The following SUGCT variants were observed in gnomAD, a reference collection of about 807,000 sequenced individuals.
The protein encoded by SUGCT is succinyl-CoA:glutarate CoA-transferase.
In SUGCT, 41 loss-of-function variants were observed where a neutral mutation model predicts 55.0. The ratio of observed to expected loss-of-function variants is 0.74; its 90% CI spans 0.58 to 0.97. The LOEUF (loss-of-function observed/expected upper bound fraction) is 0.97. Among genes scored for constraint, SUGCT ranks in the 50% least tolerant of loss-of-function variants. The pLI, the probability that SUGCT is intolerant of heterozygous loss-of-function variation, is 0.00. For synonymous variants in SUGCT, 187 were observed against 200.4 expected (o/e 0.93, Z 0.56); for missense variants, 568 against 547.8 (o/e 1.04, Z -0.37).
chr7:40,517,367 G>A (rs1793300282), intron 12 of SUGCT, among the ~76,000 whole-genome samples: 1 of 151,496 alleles, frequency 6.6e-6, no homozygotes, highest in African/African-American at 2.4e-5. Flanking sequence ...TCCCTGGATA[G>A]GACCTCCAGT....
At chr7:40,507,373 A>T (rs757520463) in intron 12 of SUGCT, among the ~76,000 whole-genome samples, 1 of 151,966 alleles carries the variant, frequency 6.6e-6, no homozygotes, top group Non-Finnish European at 1.5e-5. Flanking sequence ...GTCACTCTTC[A>T]TATGTTATAA....
At chr7:40,197,528 G>T (rs920885167) in intron 6 of SUGCT, among the ~76,000 whole-genome samples, 2 of 152,160 alleles carry the variant, frequency 1.3e-5, no homozygotes, top group African/African-American at 2.4e-5. Flanking sequence ...TTGGGGGACT[G>T]GTATGCTCTG....
chr7:40,765,593 G>C (rs2080745134), intron 13 of SUGCT, among the ~76,000 whole-genome samples: 1 of 152,184 alleles, frequency 6.6e-6, no homozygotes, highest in African/African-American at 2.4e-5. Context: ...AGAAAAATGA[G>C]CTATTTAGAA....
At chr7:40,973,810 T>A in the SUGCT span, among the ~76,000 whole-genome samples, 1 of 152,354 alleles carries the variant, frequency 6.6e-6, no homozygotes, top group Non-Finnish European at 1.5e-5. Flanking sequence ...TGTATTTTAT[T>A]TATATATGTG....
chr7:40,858,420 A>G (rs1002049864), intron 13 of SUGCT, among the ~76,000 whole-genome samples: 3 of 151,228 alleles, frequency 2.0e-5, no homozygotes, highest in Non-Finnish European at 3.0e-5. Flanking sequence ...AAAAAAAAAA[A>G]AAAAAAAAAG....
At chr7:41,036,202 G>A in the SUGCT span, among the ~76,000 whole-genome samples, 7 of 152,288 alleles carry the variant, frequency 4.6e-5, no homozygotes, top group South Asian at 8.3e-4. Flanking sequence ...GCGAGTGCAT[G>A]GGCGAATGAC....
At chr7:40,293,902 C>G (rs945920437) in intron 8 of SUGCT, among the ~76,000 whole-genome samples, 5 of 152,056 alleles carry the variant, frequency 3.3e-5, no homozygotes, top group Non-Finnish European at 7.4e-5. Flanking sequence ...CTACAGGCTA[C>G]CTCAGGACAG....
At chr7:40,522,300 C>T (rs1793574814) in intron 12 of SUGCT, among the ~76,000 whole-genome samples, 1 of 152,102 alleles carries the variant, frequency 6.6e-6, no homozygotes, top group South Asian at 2.1e-4. Context: ...AACTGGGCAA[C>T]CCGTCCTCCT....
chr7:40,755,330 TA>T (rs1788200966), intron 13 of SUGCT, among the ~76,000 whole-genome samples: 1 of 152,236 alleles, frequency 6.6e-6, no homozygotes. Flanking sequence ...TACAGTGTCC[TA>T]AATTTTAAAC....
rs1784070336 is a variant in SUGCT, at chr7:40,367,689, T to C, written c.816+50834T>C. 2.0e-5 allele frequency among the ~76,000 whole-genome samples: 3 copies of C among 152,188 alleles called. No homozygotes were observed. The South Asian group carries it at 6.2e-4, about 32-fold the overall frequency. ...ACTAAGGCAAACACATCTGTCCTCA[T>C]CTATCAAATCTCTCTTCTTATTTCC... On this transcript the variant is annotated intron_variant, in intron 9 of 13. Coordinates refer to ENST00000335693, the MANE Select transcript of SUGCT (RefSeq NM_001193313.2).
At chr7:40,505,256 G>A (rs956676545) in intron 12 of SUGCT, among the ~76,000 whole-genome samples, 1 of 151,916 alleles carries the variant, frequency 6.6e-6, no homozygotes, top group African/African-American at 2.4e-5. Context: ...TCTAAAGTAT[G>A]TCTCATGTAG....
At chr7:40,287,292 G>A (rs1468372309) in intron 8 of SUGCT, among the ~76,000 whole-genome samples, 1 of 152,052 alleles carries the variant, frequency 6.6e-6, no homozygotes, top group Non-Finnish European at 1.5e-5. Flanking sequence ...TACATCATCT[G>A]TAAAATAAGA....
intron 12 of SUGCT, among the ~76,000 whole-genome samples, chr7:40,616,989 T>C (rs1799034282): frequency 1.3e-5 from 2 of 152,224 alleles, no homozygotes; most frequent in African/African-American, 4.8e-5. Context: ...GGATTAAAGG[T>C]CAGGCATAAT....
Position 40,288,560 on chromosome 7 carries a change from T to C in SUGCT, c.720+13904T>C, listed in dbSNP as rs116094359. Among the ~76,000 whole-genome samples the C allele has an allele frequency of 3.9e-3, 601 of 152,226 alleles. 4 individuals carry two copies. Among genetic ancestry groups the C allele is most frequent in the African/African-American group, 0.013 (551 of 41,558 alleles). ...TTTCCAGAGTTTTCAAAAATTTGAT[T>C]TTGGGAATTTTTGCCAGTGTTCTTG... On this transcript the variant is annotated intron_variant, in intron 8 of 13. Transcript: ENST00000335693.
intron 3 of SUGCT, among the ~76,000 whole-genome samples, chr7:40,184,916 T>A (rs1419906176): frequency 6.6e-6 from 1 of 152,226 alleles, no homozygotes; most frequent in Non-Finnish European, 1.5e-5. Context: ...AAGTAGAATG[T>A]TTGATCTGGA....
At chr7:40,981,139 C>T in the SUGCT span, among the ~76,000 whole-genome samples, 1 of 152,110 alleles carries the variant, frequency 6.6e-6, no homozygotes, top group Non-Finnish European at 1.5e-5. Context: ...GTGGTCCAGC[C>T]ATCTGAAACT....
At chr7:40,963,734 T>G in the SUGCT span, among the ~76,000 whole-genome samples, 3 of 70,576 alleles carry the variant, frequency 4.3e-5, no homozygotes, top group African/African-American at 2.2e-4. Flanking sequence ...TGTGTATTCA[T>G]TCTCTTCGTT....
chr7:40,894,136 A>T, the SUGCT span, among the ~76,000 whole-genome samples: 1 of 152,208 alleles, frequency 6.6e-6, no homozygotes. Context: ...AAACAGGCAC[A>T]TAGACCAGTG....
intron 13 of SUGCT, among the ~76,000 whole-genome samples, chr7:40,829,246 C>A (rs1792526700): frequency 6.6e-6 from 1 of 152,182 alleles, no homozygotes; most frequent in East Asian, 1.9e-4. Context: ...ATATAGCTAG[C>A]CAGCAATCCA....
Sources: allele counts gnomAD v4.1 joint callset (sites outside exome capture counted in the v4.1 genomes callset), GRCh38; gene constraint gnomAD v4.1.1; transcripts MANE v1.5; gene names NCBI Gene and HGNC (gene_info 2026-07-23, HGNC 2026-07-21).